Variants in ANKRA2 observed in about 807,000 individuals in gnomAD.
The protein encoded by ANKRA2 is ankyrin repeat family A member 2.
Under a neutral mutation model 37.8 loss-of-function variants are expected in ANKRA2, and 33 were observed. The ratio of observed to expected loss-of-function variants is 0.87; its 90% confidence interval spans 0.66 to 1.17. The LOEUF (loss-of-function observed/expected upper bound fraction) is 1.17, where lower values mean the gene tolerates loss of function less well. Among genes scored for constraint, ANKRA2 ranks in the 50% most tolerant of loss-of-function variants. The pLI, the probability that ANKRA2 is intolerant of heterozygous loss-of-function variation, is 0.00. For missense variants in ANKRA2, 326 were observed against 373.7 expected, an observed-to-expected ratio of 0.87 and a Z score of 1.05; for synonymous variants, 126 against 132.3, an observed-to-expected ratio of 0.95 and a Z score of 0.33.
chr5:73,564,655 G>C (rs1294996342), intron 1 of ANKRA2, among the ~76,000 whole-genome samples: 1 of 152,128 alleles, frequency 6.6e-6, no homozygotes, highest in Non-Finnish European at 1.5e-5. Flanking sequence ...ATTATAAAAA[G>C]GTGTTGAAAT....
chr5:73,554,809 A>G, intron 6 of ANKRA2, 52 bp downstream of exon 6: 1 of 1,580,216 alleles, frequency 6.3e-7, no homozygotes, highest in Non-Finnish European at 8.6e-7. Context: ...CCCAAACCAA[A>G]TAAATTCTAA....
chr5:73,564,872 G>A (rs563859717), intron 1 of ANKRA2, among the ~76,000 whole-genome samples: 1 of 151,736 alleles, frequency 6.6e-6, no homozygotes, highest in African/African-American at 2.4e-5. Context: ...AAGAACAGGA[G>A]AGGGAGGCGG....
chr5:73,560,701 T>C (rs1747526769), intron 3 of ANKRA2, among the ~76,000 whole-genome samples: 1 of 152,134 alleles, frequency 6.6e-6, no homozygotes, highest in South Asian at 2.1e-4. Flanking sequence ...TGCATTATAT[T>C]TATTATAGTC....
intron 3 of ANKRA2, among the ~76,000 whole-genome samples, chr5:73,560,722 A>G (rs1747527943): frequency 6.6e-6 from 1 of 152,068 alleles, no homozygotes; most frequent in African/African-American, 2.4e-5. Context: ...ACCATTGTGT[A>G]CAACAGGTCA....
intron 4 of ANKRA2, 135 bp downstream of exon 4, chr5:73,557,440 C>A (rs1182666914): frequency 1.0e-4 from 28 of 269,048 alleles, no homozygotes; most frequent in East Asian, 1.2e-4. Context: ...TTTTACTATC[C>A]ATTGGGTTAT....
chr5:73,564,241 G>A (rs1747646055), intron 1 of ANKRA2, among the ~76,000 whole-genome samples: 1 of 152,192 alleles, frequency 6.6e-6, no homozygotes, highest in African/African-American at 2.4e-5. Flanking sequence ...CGTCTTAAAA[G>A]GGACTGGACA....
rs1747272459 is a variant in ANKRA2 at position 73,552,209 on chromosome 5, TCA to T, written c.*586_*587del. On this transcript the variant is annotated 3_prime_UTR_variant, in exon 9 of 9. Transcript: ENST00000296785. ...AATGTCTTTGTTGATTGACTTAGATTCAGTTTATTTTAATTACATATATTGTT... is the reference window on the plus strand; with the variant it reads ...AATGTCTTTGTTGATTGACTTAGATTGTTTATTTTAATTACATATATTGTT... The T allele has an allele frequency of 6.6e-6, 1 of 152,296 alleles. No individual in the cohort carries two copies. The highest frequency in any genetic ancestry group is 1.5e-5 in the Non-Finnish European group (1 of 68,044). The allele number at this position is 152,296 out of a possible 1,614,324, so 9.4% of individuals were successfully genotyped here.
rs140571499 is a variant in ANKRA2, at chr5:73,557,173, A to G, written c.514+402T>C. ...CTTATGGAACTATGAAAAGAATAAA[A>G]TAGGTCTTTAATACGTGCTTATATG... On this transcript the variant is annotated intron_variant, in intron 4 of 8. Coordinates refer to ENST00000296785, the MANE Select transcript of ANKRA2 (RefSeq NM_023039.5). 2.1e-4 allele frequency among the ~76,000 whole-genome samples: 32 copies of G among 151,614 alleles called. No individual in the cohort carries two copies. The East Asian group carries it at 6.2e-3, about 29-fold the overall frequency.
chr5:73,555,775 A>AATGTACAT (rs1747383947), intron 4 of ANKRA2, among the ~76,000 whole-genome samples, 190 bp from the exon 5 acceptor site: 1 of 152,216 alleles, frequency 6.6e-6, no homozygotes, highest in Non-Finnish European at 1.5e-5. Context: ...AATATGCCTC[A>AATGTACAT]ATGTACATAG....
intron 3 of ANKRA2, 52 bp downstream of exon 3, chr5:73,561,078 C>T: frequency 1.3e-6 from 2 of 1,509,550 alleles, no homozygotes; most frequent in Admixed American, 4.3e-5. Flanking sequence ...AAGTCAAACT[C>T]TTGAAAGTAT....
Position 73,554,571 on chromosome 5 carries a change from G to A in ANKRA2, c.739-183C>T, listed in dbSNP as rs555834571. On this transcript the variant is annotated intron_variant, in intron 6 of 8. Coordinates refer to ENST00000296785, the MANE Select transcript of ANKRA2 (RefSeq NM_023039.5). Reference sequence around the variant, plus strand: ...CTATGATATTAACTTTTTCTTCTATGTAGCTAATTAATTATTCTTCTTTAT... The same window carrying A: ...CTATGATATTAACTTTTTCTTCTATATAGCTAATTAATTATTCTTCTTTAT... The A allele has an allele frequency of 2.4e-5, 13 of 552,364 alleles. 1 individual carries two copies. Among genetic ancestry groups the A allele is most frequent in the Middle Eastern group, 4.7e-4 (1 of 2,106 alleles). 34.2% of individuals were successfully genotyped at this position (552,364 alleles called of 1,614,324 possible). A position where few individuals can be genotyped will look rare whatever the true frequency, so the allele number is the denominator to read the frequency against.
chr5:73,553,682 C>A (rs1049228527), intron 7 of ANKRA2, among the ~76,000 whole-genome samples, 196 bp from the exon 8 acceptor site: 1 of 152,148 alleles, frequency 6.6e-6, no homozygotes, highest in Non-Finnish European at 1.5e-5. Context: ...AAACAAACAG[C>A]ATCCTTTAGA....
intron 3 of ANKRA2, among the ~76,000 whole-genome samples, chr5:73,558,659 C>T (rs1350312419): frequency 6.6e-6 from 1 of 152,172 alleles, no homozygotes; most frequent in Non-Finnish European, 1.5e-5. Flanking sequence ...CTCAGTGCCC[C>T]AAATAGCTGG....
intron 1 of ANKRA2, among the ~76,000 whole-genome samples, chr5:73,564,779 G>C (rs1223854430): frequency 3.9e-5 from 6 of 152,178 alleles, no homozygotes; most frequent in African/African-American, 1.2e-4. Flanking sequence ...TAGGCGAAGG[G>C]GGTGGGTGGA....
At chr5:73,555,292 A>G in intron 5 of ANKRA2, 196 bp downstream of exon 5, 1 of 1,206,294 alleles carries the variant, frequency 8.3e-7, no homozygotes, top group South Asian at 1.7e-5. Context: ...TCTGGGCGTT[A>G]AATTATTTCT....
intron 4 of ANKRA2, 138 bp from the exon 5 acceptor site, chr5:73,555,723 AT>A: frequency 1.4e-6 from 1 of 713,834 alleles, no homozygotes; most frequent in Non-Finnish European, 2.3e-6. Context: ...TTGGTGTCCT[AT>A]TTATTGCATG....
At chr5:73,555,640 T>G in intron 4 of ANKRA2, 55 bp from the exon 5 acceptor site, 1 of 1,479,574 alleles carries the variant, frequency 6.8e-7, no homozygotes, top group Non-Finnish European at 9.3e-7. Context: ...TATCTTAATA[T>G]CACTATGAAA....
At chr5:73,557,695 A>G (rs538617300) in intron 3 of ANKRA2, 55 bp from the exon 4 acceptor site, 3 of 1,286,558 alleles carry the variant, frequency 2.3e-6, no homozygotes, top group Admixed American at 1.9e-5. Context: ...CACTTGCATC[A>G]TCCCATGGTT....
At chr5:73,557,783 T>A in intron 3 of ANKRA2, 143 bp from the exon 4 acceptor site, 2 of 570,652 alleles carry the variant, frequency 3.5e-6, no homozygotes, top group South Asian at 5.5e-5. Context: ...TTAAAATGTA[T>A]CCTAAAATTA....
Sources: gnomAD v4.1 joint callset for allele counts (sites outside exome capture counted in the v4.1 genomes callset) on GRCh38, gnomAD v4.1.1 for gene constraint, MANE v1.5 for transcripts, NCBI Gene and HGNC (gene_info 2026-07-23, HGNC 2026-07-21) for gene names.